Variants in SPATA16 observed in about 807,000 individuals in gnomAD.
The protein encoded by SPATA16 is spermatogenesis-associated protein 16.
A neutral mutation model predicts 63.3 loss-of-function variants in SPATA16; 36 were observed. The observed-to-expected ratio is 0.57, with a 90% CI of 0.44 to 0.75. The LOEUF (loss-of-function observed/expected upper bound fraction) is 0.75, where lower values mean the gene tolerates loss of function less well. Among genes scored for constraint, SPATA16 ranks in the 30% least tolerant of loss-of-function variants. The probability of loss-of-function intolerance (pLI) is 0.00; values close to 1 mark genes in which losing one functional copy is unlikely to be tolerated. For missense variants in SPATA16, 646 were observed against 679.3 expected (o/e 0.95, Z 0.54); for synonymous variants, 203 against 216.7 (o/e 0.94, Z 0.56).
At chr3:172,952,928 G>A (rs1403360077) in intron 6 of SPATA16, among the ~76,000 whole-genome samples, 1 of 113,154 alleles carries the variant, frequency 8.8e-6, no homozygotes, top group East Asian at 2.6e-4. Context: ...AATAGAGTGA[G>A]ACTCCATCTC....
intron 2 of SPATA16, among the ~76,000 whole-genome samples, chr3:173,069,113 A>G (rs553180995): frequency 1.6e-5 from 1 of 60,838 alleles, no homozygotes. Context: ...CCGTCTCAAG[A>G]AAAAAAAAAA....
intron 1 of SPATA16, among the ~76,000 whole-genome samples, chr3:173,125,894 C>T (rs1270041425): frequency 2.0e-5 from 3 of 152,186 alleles, no homozygotes; most frequent in Non-Finnish European, 4.4e-5. Flanking sequence ...TATCTTATTA[C>T]ACAATTAATG....
At chr3:173,130,375 A>AAAAG in intron 1 of SPATA16, among the ~76,000 whole-genome samples, 1 of 151,136 alleles carries the variant, frequency 6.6e-6, no homozygotes, top group East Asian at 1.9e-4. Context: ...AAAAAAAAAA[A>AAAAG]AAAAAAAAGA....
intron 10 of SPATA16, among the ~76,000 whole-genome samples, chr3:172,911,833 T>C (rs1732377656): frequency 6.6e-6 from 1 of 152,210 alleles, no homozygotes; most frequent in East Asian, 1.9e-4. Context: ...CTTTCTCTTC[T>C]TCTCTGTGCC....
rs371330969 is a variant in SPATA16 at position 173,048,941 on chromosome 3, G to C, written c.758+8C>G. On this transcript the variant is annotated splice_region_variant and intron_variant, in intron 3 of 10. Coordinates refer to ENST00000351008, the MANE Select transcript of SPATA16 (RefSeq NM_031955.6). ...CATTTACTTGCACTTATTAGTATATGATTTTACCTGTGTGCATGATTCAGG... is the reference window on the plus strand; with the variant it reads ...CATTTACTTGCACTTATTAGTATATCATTTTACCTGTGTGCATGATTCAGG... 1 of 1,613,386 alleles carries C rather than the reference G, an allele frequency of 6.2e-7. No homozygotes were observed. Among genetic ancestry groups the C allele is most frequent in the Non-Finnish European group, 8.5e-7 (1 of 1,179,572 alleles).
intron 2 of SPATA16, among the ~76,000 whole-genome samples, chr3:173,058,315 A>G (rs992947701): frequency 6.6e-6 from 1 of 152,196 alleles, no homozygotes; most frequent in Non-Finnish European, 1.5e-5. Flanking sequence ...GAAAATTCTC[A>G]GTATCATACA....
chr3:173,007,432 AAG>A (rs1363151434), intron 4 of SPATA16, among the ~76,000 whole-genome samples: 2 of 152,196 alleles, frequency 1.3e-5, no homozygotes, highest in Admixed American at 6.5e-5. Context: ...GAGAGAGGTG[AAG>A]CTGAGAATGA....
chr3:172,940,850 G>T (rs559337105), intron 6 of SPATA16, among the ~76,000 whole-genome samples: 1 of 152,090 alleles, frequency 6.6e-6, no homozygotes, highest in East Asian at 1.9e-4. Flanking sequence ...GGGCGTGGTG[G>T]CACGTGCCTG....
chr3:173,120,765 C>T (rs1738041046), intron 1 of SPATA16, among the ~76,000 whole-genome samples: 1 of 152,154 alleles, frequency 6.6e-6, no homozygotes, highest in Non-Finnish European at 1.5e-5. Flanking sequence ...CTCCCAACTC[C>T]TCCCACTCCA....
chr3:173,094,007 T>G (rs1343444715), intron 2 of SPATA16, among the ~76,000 whole-genome samples: 1 of 152,008 alleles, frequency 6.6e-6, no homozygotes, highest in African/African-American at 2.4e-5. Flanking sequence ...TTTCCTGTGC[T>G]GCTCTCTCTG....
At chr3:172,988,594 A>G (rs2108259177) in intron 4 of SPATA16, among the ~76,000 whole-genome samples, 1 of 152,312 alleles carries the variant, frequency 6.6e-6, no homozygotes, top group South Asian at 2.1e-4. Flanking sequence ...AGGCACCTTA[A>G]AGGTTGATGG....
At chr3:173,031,827 T>C (rs779769897) in intron 3 of SPATA16, among the ~76,000 whole-genome samples, 2 of 152,046 alleles carry the variant, frequency 1.3e-5, no homozygotes, top group Non-Finnish European at 2.9e-5. Flanking sequence ...ATGCAGTCAG[T>C]TTAAATATCT....
At chr3:173,108,836 A>G (rs1220259868) in intron 2 of SPATA16, among the ~76,000 whole-genome samples, 2 of 152,208 alleles carry the variant, frequency 1.3e-5, no homozygotes, top group Admixed American at 6.5e-5. Context: ...GTACAATAAC[A>G]TGCTTCATAG....
At chr3:173,087,895 G>C (rs1322109607) in intron 2 of SPATA16, among the ~76,000 whole-genome samples, 1 of 152,086 alleles carries the variant, frequency 6.6e-6, no homozygotes, top group Non-Finnish European at 1.5e-5. Flanking sequence ...GAGGTCTGCT[G>C]TTAGTCTGAT....
At chr3:172,906,053 A>C (rs1399376135) in intron 10 of SPATA16, among the ~76,000 whole-genome samples, 1 of 152,200 alleles carries the variant, frequency 6.6e-6, no homozygotes, top group Non-Finnish European at 1.5e-5. Flanking sequence ...AGAGCAAATA[A>C]CTTTTTCTTC....
rs866224510 is a variant in SPATA16 at position 173,094,716 on chromosome 3, G to A, written c.612+22404C>T. Among the ~76,000 whole-genome samples, 15 of 136,396 alleles carry A rather than the reference G, an allele frequency of 1.1e-4. 1 individual carries two copies. In the South Asian group the frequency reaches 2.9e-3, roughly 26 times the overall value. The allele number at this position is 136,396 out of a possible 152,430, so 89.5% of individuals were successfully genotyped here. A position where few individuals can be genotyped will look rare whatever the true frequency, so the allele number is the denominator to read the frequency against. On this transcript the variant is annotated intron_variant, in intron 2 of 10. Coordinates refer to ENST00000351008, the MANE Select transcript of SPATA16 (RefSeq NM_031955.6). The stretch of plus-strand genomic sequence containing the variant: ...TTTTTGGCTTTTACTGTCAAATCCT[G>A]GTTTCCATGAAGTGAAGGTTGGGAG...
chr3:173,136,918 C>T (rs1251817445), intron 1 of SPATA16, among the ~76,000 whole-genome samples: 1 of 152,210 alleles, frequency 6.6e-6, no homozygotes, highest in African/African-American at 2.4e-5. Flanking sequence ...TTTCCCTGTC[C>T]TCTCTCTTGG....
intron 2 of SPATA16, among the ~76,000 whole-genome samples, chr3:173,080,119 T>C (rs1736891685): frequency 6.6e-6 from 1 of 152,178 alleles, no homozygotes; most frequent in African/African-American, 2.4e-5. Context: ...TGTGTGGTGT[T>C]TAGTGAGAAT....
At chr3:173,129,000 GCTAAAGAAACA>G (rs1367283767) in intron 1 of SPATA16, among the ~76,000 whole-genome samples, 1 of 152,218 alleles carries the variant, frequency 6.6e-6, no homozygotes, top group Non-Finnish European at 1.5e-5. Flanking sequence ...AGCTGTTGAT[GCTAAAGAAACA>G]CTTTAAAGTC....
Sources: allele counts gnomAD v4.1 joint callset (sites outside exome capture counted in the v4.1 genomes callset), GRCh38; gene constraint gnomAD v4.1.1; transcripts MANE v1.5; gene names NCBI Gene and HGNC (gene_info 2026-07-23, HGNC 2026-07-21).